The following AGAP1 variants were observed in gnomAD, a reference collection of about 807,000 sequenced individuals.
AGAP1 encodes the protein arf-GAP with GTPase, ANK repeat and PH domain-containing protein 1.
AGAP1 carries 29 observed loss-of-function variants against 105.3 expected under a neutral mutation model. The ratio of observed to expected loss-of-function variants is 0.28; its 90% CI spans 0.21 to 0.38. The LOEUF (loss-of-function observed/expected upper bound fraction) is 0.38. Ranked by LOEUF, AGAP1 falls within the 10% of genes least tolerant of loss-of-function variation. AGAP1 has a pLI of 1.00. For missense variants in AGAP1, 998 were observed against 1,165.1 expected, an observed-to-expected ratio of 0.86 and a Z score of 2.09; for synonymous variants, 509 against 485.9, an observed-to-expected ratio of 1.05 and a Z score of -0.63.
rs150647790 is a variant in AGAP1, at chr2:235,883,656, C to A, written c.1155+207C>A. 4.8e-4 allele frequency among the ~76,000 whole-genome samples: 73 copies of A among 152,292 alleles called. No individual in the cohort carries two copies. The highest frequency in any genetic ancestry group is 1.7e-3 in the African/African-American group (71 of 41,562). On this transcript the variant is annotated intron_variant, in intron 10 of 17. Coordinates refer to ENST00000304032, the MANE Select transcript of AGAP1 (RefSeq NM_001037131.3). This position sits in a 1 kb window ranked among gnomAD's most constrained non-coding sequence, Gnocchi z 4.5. ...TCTCTCTCTTCCCCTCCCTACCAGT[C>A]AATCTGTGGCTTTCCAATTCTACAA...
rs2052523250 is a variant in AGAP1, at chr2:235,927,743, T to C, written c.1325-3022T>C. On this transcript the variant is annotated intron_variant, in intron 11 of 17. Transcript: ENST00000304032. This position sits in a 1 kb window ranked among gnomAD's most constrained non-coding sequence, Gnocchi z 4.4. ...TTAAAGGAAATTGTTCTGGAAGGTT[T>C]CTAGGCCTGGTTGTCATCGGAGAAC... 6.6e-6 allele frequency among the ~76,000 whole-genome samples: 1 copy of C among 152,202 alleles called. No individual in the cohort carries two copies. Among genetic ancestry groups the C allele is most frequent in the African/African-American group, 2.4e-5 (1 of 41,454 alleles).
intron 11 of AGAP1, among the ~76,000 whole-genome samples, chr2:235,916,791 GAATTA>G (rs1012224441): frequency 1.3e-5 from 2 of 152,188 alleles, no homozygotes; most frequent in African/African-American, 4.8e-5. Flanking sequence ...TTATGTTCTT[GAATTA>G]ATTTTTCAAA....
chr2:236,018,116 A>C (rs1297096061), intron 13 of AGAP1, among the ~76,000 whole-genome samples: 2 of 152,258 alleles, frequency 1.3e-5, no homozygotes, highest in African/African-American at 4.8e-5. Flanking sequence ...TGATTGCACT[A>C]ATGTACAAAC....
rs1269974019 is a variant in AGAP1 at position 236,120,398 on chromosome 2, A to G, written c.2321A>G (p.His774Arg). ...GAGGGAGACGGCCGCACGGCGCTGC[A>G]TCTGGCCTGCCGCAAGGGGAATGTG... ...CGEGDGRTAL[H>R]LACRKGNVVL... The change falls in exon 17 of 18, where the codon CAT (histidine) becomes CGT (arginine). Residue 774 changes from histidine to arginine, a missense_variant. Around this residue, in one of 3 missense-constraint regions of AGAP1, gnomAD observed 235 missense variants for 270.7 expected, o/e 0.87. Transcript: ENST00000304032. The surrounding 1 kb of genome is among the most constrained non-coding windows in gnomAD (Gnocchi z 6.0). 2 of 1,611,448 alleles carry G rather than the reference A, an allele frequency of 1.2e-6. No homozygotes were observed. Among genetic ancestry groups the G allele is most frequent in the Non-Finnish European group, 1.7e-6 (2 of 1,179,776 alleles).
intron 16 of AGAP1, among the ~76,000 whole-genome samples, chr2:236,118,528 TACAGGC>T (rs1365204008): frequency 6.6e-6 from 1 of 151,970 alleles, no homozygotes; most frequent in Non-Finnish European, 1.5e-5. Flanking sequence ...TAGCTGGGAT[TACAGGC>T]GCCTGCCACC....
Position 235,908,821 on chromosome 2 carries a change from C to T in AGAP1, c.1239C>T (p.Ala413=), listed in dbSNP as rs2125041789. Residue 413 remains alanine (A), a synonymous_variant, in exon 11 of 18, where the codon GCC becomes GCT. Coordinates refer to ENST00000304032, the MANE Select transcript of AGAP1 (RefSeq NM_001037131.3). This position sits in a 1 kb window ranked among gnomAD's most constrained non-coding sequence, Gnocchi z 4.4. ...TCCCAGGGAAGAGGCCACCCCGAGC[C>T]ACGTCAGCCTGCGCACCCATCTCCA... ...VKVPGKRPPR[A]TSACAPISSP... The T allele has an allele frequency of 1.2e-6, 2 of 1,614,018 alleles. No individual in the cohort carries two copies. The highest frequency in any genetic ancestry group is 1.7e-6 in the Non-Finnish European group (2 of 1,180,016).
chr2:235,853,712 T>C (rs188259822), intron 9 of AGAP1, among the ~76,000 whole-genome samples: 12 of 152,270 alleles, frequency 7.9e-5, no homozygotes. Flanking sequence ...GAGTAAAGTA[T>C]GATAAGTGCA....
rs7588989 is a variant in AGAP1 at position 235,733,777 on chromosome 2, A to C, written c.311-7186A>C. On this transcript the variant is annotated intron_variant, in intron 3 of 17. Transcript: ENST00000304032. This position sits in a 1 kb window ranked among gnomAD's most constrained non-coding sequence, Gnocchi z 5.0. ...GAAATAGTCAGCAGTCGCCACATGC[A>C]GGGTCCTCACTCACTGCTGGTACCT... 2.1e-3 allele frequency among the ~76,000 whole-genome samples: 319 copies of C among 152,094 alleles called. 2 individuals are homozygous for C. In the South Asian group the frequency reaches 0.031, roughly 15 times the overall value.
Position 236,077,176 on chromosome 2 carries a change from C to T in AGAP1, c.2114+27895C>T, listed in dbSNP as rs77306798. Reference sequence around the variant, plus strand: ...ATATATATATTCATATTCCAACCCCCGAGAGATAATCAGTTAATGTTTGAC... The same window carrying T: ...ATATATATATTCATATTCCAACCCCTGAGAGATAATCAGTTAATGTTTGAC... On this transcript the variant is annotated intron_variant, in intron 16 of 17. Coordinates refer to ENST00000304032, the MANE Select transcript of AGAP1 (RefSeq NM_001037131.3). Among the ~76,000 whole-genome samples the T allele has an allele frequency of 8.2e-3, 1,214 of 147,722 alleles. 17 individuals carry two copies. The highest frequency in any genetic ancestry group is 0.028 in the African/African-American group (1,124 of 40,158).
chr2:235,940,318 C>A (rs754858320), intron 12 of AGAP1, among the ~76,000 whole-genome samples: 3 of 152,132 alleles, frequency 2.0e-5, no homozygotes, highest in Non-Finnish European at 4.4e-5. Context: ...CTCTCTGCAG[C>A]CAAATTCACC....
chr2:236,090,226 G>A lies in AGAP1; in HGVS notation c.2115-29966G>A, dbSNP rs1012538691. 2.0e-5 allele frequency among the ~76,000 whole-genome samples: 3 copies of A among 152,136 alleles called. No homozygotes were observed. The highest frequency in any genetic ancestry group is 7.2e-5 in the African/African-American group (3 of 41,400). On this transcript the variant is annotated intron_variant, in intron 16 of 17. Coordinates refer to ENST00000304032, the MANE Select transcript of AGAP1 (RefSeq NM_001037131.3). This position sits in a 1 kb window ranked among gnomAD's most constrained non-coding sequence, Gnocchi z 4.3. ...AGAAATGGCAGTTTTGTGGTCGTTC[G>A]CACCCAGGACTTTGATGTTCCTACT...
Position 235,763,139 on chromosome 2 carries a change from C to A in AGAP1, c.673+12651C>A, listed in dbSNP as rs536406393. ...TGTGAGACTTTATAGCATACTCTTT[C>A]ACATACACGTGGAGCATCCCTAATC... On this transcript the variant is annotated intron_variant, in intron 6 of 17. Coordinates refer to ENST00000304032, the MANE Select transcript of AGAP1 (RefSeq NM_001037131.3). 1.3e-4 allele frequency among the ~76,000 whole-genome samples: 20 copies of A among 152,124 alleles called. No homozygotes were observed. The South Asian group carries it at 3.7e-3, about 28-fold the overall frequency.
chr2:236,033,431 C>T (rs990814694), intron 13 of AGAP1, among the ~76,000 whole-genome samples: 3 of 152,142 alleles, frequency 2.0e-5, no homozygotes, highest in African/African-American at 7.2e-5. Flanking sequence ...AGCCAAACTG[C>T]GCTTTAGCAA....
Position 235,904,243 on chromosome 2 carries a change from G to T in AGAP1, c.1156-4495G>T, listed in dbSNP as rs573543617. On this transcript the variant is annotated intron_variant, in intron 10 of 17. Transcript: ENST00000304032. The surrounding 1 kb of genome is among the most constrained non-coding windows in gnomAD (Gnocchi z 4.2). ...AGCGAAATGTAAAAAACAAGGGATG[G>T]CAAAGGTGCCGGAGCAGGGTTGCAG... Among the ~76,000 whole-genome samples the T allele has an allele frequency of 7.2e-5, 11 of 152,340 alleles. No individual in the cohort carries two copies. Among genetic ancestry groups the T allele is most frequent in the African/African-American group, 2.2e-4 (9 of 41,580 alleles).
rs1360667512 is a variant in AGAP1, at chr2:235,622,932, A to C, written c.164-86247A>C. Among the ~76,000 whole-genome samples, 3 of 152,086 alleles carry C rather than the reference A, an allele frequency of 2.0e-5. No homozygotes were observed. The highest frequency in any genetic ancestry group is 2.1e-4 in the South Asian group (1 of 4,812). ...CTATTGGCATGAGAACCACGTCCCC[A>C]GCTATTCCCACCTGCACACTGGAGG... On this transcript the variant is annotated intron_variant, in intron 1 of 17. Transcript: ENST00000304032. This position sits in a 1 kb window ranked among gnomAD's most constrained non-coding sequence, Gnocchi z 5.0.
At chr2:235,651,695 T>C (rs577290553) in intron 1 of AGAP1, among the ~76,000 whole-genome samples, 37 of 152,046 alleles carry the variant, frequency 2.4e-4, no homozygotes, top group Admixed American at 5.2e-4. Context: ...ATAATGATGG[T>C]GGGAAGGGAA....
chr2:235,593,094 G>C (rs1182683111), intron 1 of AGAP1, among the ~76,000 whole-genome samples: 1 of 152,182 alleles, frequency 6.6e-6, no homozygotes, highest in Non-Finnish European at 1.5e-5. Flanking sequence ...AGAGGGGAGA[G>C]GGATGCAGGT....
At position 236,109,605 on chromosome 2, in the gene AGAP1, G is replaced by A. The variant is rs946155511; in HGVS notation, c.2115-10587G>A. Among the ~76,000 whole-genome samples, 4 of 148,824 alleles carry A rather than the reference G, an allele frequency of 2.7e-5. No homozygotes were observed. Among genetic ancestry groups the A allele is most frequent in the African/African-American group, 9.7e-5 (4 of 41,114 alleles). On this transcript the variant is annotated intron_variant, in intron 16 of 17. Coordinates refer to ENST00000304032, the MANE Select transcript of AGAP1 (RefSeq NM_001037131.3). This position sits in a 1 kb window ranked among gnomAD's most constrained non-coding sequence, Gnocchi z 5.4. Reference sequence around the variant, plus strand: ...GACCGGCAGCCATGGGAATGTCCTAGTCGGCAGCAGTGTCGGTGTTCTAGA... The same window carrying A: ...GACCGGCAGCCATGGGAATGTCCTAATCGGCAGCAGTGTCGGTGTTCTAGA...
At chr2:236,108,424 T>C (rs1334694981) in intron 16 of AGAP1, among the ~76,000 whole-genome samples, 1 of 152,054 alleles carries the variant, frequency 6.6e-6, no homozygotes, top group Non-Finnish European at 1.5e-5. Context: ...GCGGGTCCCC[T>C]CCAGTGTCTG....
Sources: gnomAD v4.1 joint callset for allele counts (sites outside exome capture counted in the v4.1 genomes callset) on GRCh38, gnomAD v4.1.1 for gene constraint, gnomAD v4.1.1 regional missense constraint, Gnocchi (gnomAD v3.1) non-coding constraint, MANE v1.5 for transcripts, NCBI Gene and HGNC (gene_info 2026-07-23, HGNC 2026-07-21) for gene names.